Variants in CADM2 observed in about 807,000 individuals in gnomAD.
CADM2 encodes immunoglobulin superfamily member 4D.
Under a neutral mutation model 49.8 loss-of-function variants are expected in CADM2, and 12 were observed. The ratio of observed to expected loss-of-function variants is 0.24; its 90% CI spans 0.15 to 0.39. The LOEUF is 0.39. Among genes scored for constraint, CADM2 ranks in the 10% least tolerant of loss-of-function variants. The pLI is 1.00. For synonymous variants in CADM2, 214 were observed against 175.4 expected, an observed-to-expected ratio of 1.22 and a Z score of -1.74; for missense variants, 378 against 492.3, an observed-to-expected ratio of 0.77 and a Z score of 2.20.
chr3:85,546,426 AC>A (rs1237629102), intron 1 of CADM2, among the ~76,000 whole-genome samples: 11 of 152,186 alleles, frequency 7.2e-5, no homozygotes, highest in African/African-American at 2.7e-4. Flanking sequence ...GCTGAAAGAC[AC>A]AGGAGGCTTT....
intron 1 of CADM2, among the ~76,000 whole-genome samples, chr3:85,604,859 A>C (rs1325415770): frequency 1.3e-5 from 2 of 151,990 alleles, no homozygotes; most frequent in African/African-American, 2.4e-5. Flanking sequence ...GCTGTGATAC[A>C]TGCCACTTTA....
intron 8 of CADM2, among the ~76,000 whole-genome samples, chr3:85,970,234 T>C (rs1386453797): frequency 1.3e-5 from 2 of 151,500 alleles, no homozygotes; most frequent in Admixed American, 6.6e-5. Flanking sequence ...TAAAGAGTTA[T>C]GCAATTGATT....
At chr3:85,703,465 C>A (rs1392927315) in intron 1 of CADM2, among the ~76,000 whole-genome samples, 1 of 152,096 alleles carries the variant, frequency 6.6e-6, no homozygotes, top group Non-Finnish European at 1.5e-5. Context: ...ATTAGCTCAT[C>A]CTCACAAGGG....
At chr3:85,508,490 A>G (rs1382319910) in intron 1 of CADM2, among the ~76,000 whole-genome samples, 3 of 152,200 alleles carry the variant, frequency 2.0e-5, no homozygotes, top group Non-Finnish European at 2.9e-5. Context: ...ACTTCCAGCT[A>G]CTTGGATGTT....
chr3:86,014,403 G>A, intron 8 of CADM2: 1 of 1,474,894 alleles, frequency 6.8e-7, no homozygotes, highest in Non-Finnish European at 9.1e-7. Context: ...TTTACTCAAC[G>A]AAGTGATGGA....
chr3:85,347,400 T>G (rs2107220967), intron 1 of CADM2, among the ~76,000 whole-genome samples: 1 of 147,968 alleles, frequency 6.8e-6, no homozygotes, highest in African/African-American at 2.4e-5. Context: ...ATTGTACTTT[T>G]TAATATCTAC....
At chr3:85,057,295 C>G (rs1210692497) in intron 1 of CADM2, among the ~76,000 whole-genome samples, 1 of 147,112 alleles carries the variant, frequency 6.8e-6, no homozygotes, top group Non-Finnish European at 1.5e-5. Flanking sequence ...TTGAAACTTA[C>G]CATTTTCAGA....
chr3:85,258,764 A>G (rs2042946661), intron 1 of CADM2, among the ~76,000 whole-genome samples: 1 of 152,120 alleles, frequency 6.6e-6, no homozygotes, highest in African/African-American at 2.4e-5. Context: ...CTTTGTTTTA[A>G]ATGATTATGT....
intron 1 of CADM2, among the ~76,000 whole-genome samples, chr3:85,367,846 T>A (rs1306295387): frequency 7.3e-5 from 11 of 151,582 alleles, no homozygotes; most frequent in African/African-American, 2.7e-4. Flanking sequence ...TGTGTGTGTG[T>A]GTGTGTGTGT....
chr3:85,231,456 G>A (rs1490431986), intron 1 of CADM2, among the ~76,000 whole-genome samples: 1 of 151,648 alleles, frequency 6.6e-6, no homozygotes, highest in African/African-American at 2.4e-5. Context: ...AGAAGAGGAT[G>A]GATATAAGAG....
chr3:85,700,588 T>C (rs780004860), intron 1 of CADM2, among the ~76,000 whole-genome samples: 1 of 152,208 alleles, frequency 6.6e-6, no homozygotes, highest in Non-Finnish European at 1.5e-5. Context: ...AAAGCTTTGC[T>C]GTTTAAAAAT....
chr3:85,504,715 G>T (rs1281994259), intron 1 of CADM2, among the ~76,000 whole-genome samples: 1 of 152,214 alleles, frequency 6.6e-6, no homozygotes, highest in East Asian at 1.9e-4. Context: ...ACTGGGCTCC[G>T]TGGAGCAGGG....
chr3:85,530,867 T>TACACACACACACACACAC (rs71617940), intron 1 of CADM2, among the ~76,000 whole-genome samples: 1 of 136,840 alleles, frequency 7.3e-6, no homozygotes, highest in Admixed American at 7.4e-5. Context: ...TATGTAAAAA[T>TACACACACACACACACAC]ACACACACAC....
chr3:85,071,063 A>C (rs893488242), intron 1 of CADM2, among the ~76,000 whole-genome samples: 1 of 151,756 alleles, frequency 6.6e-6, no homozygotes, highest in African/African-American at 2.4e-5. Flanking sequence ...TGTCTTGTAT[A>C]GTGACTAACA....
intron 1 of CADM2, among the ~76,000 whole-genome samples, chr3:85,360,021 A>G (rs1295533114): frequency 2.0e-5 from 3 of 151,884 alleles, no homozygotes; most frequent in Admixed American, 6.6e-5. Context: ...ATAATGATAC[A>G]ATATATAAAA....
At chr3:85,120,083 A>T (rs2107588662) in intron 1 of CADM2, among the ~76,000 whole-genome samples, 1 of 152,342 alleles carries the variant, frequency 6.6e-6, no homozygotes, top group Non-Finnish European at 1.5e-5. Flanking sequence ...AACAAATAAA[A>T]AATGCTCATT....
intron 3 of CADM2, among the ~76,000 whole-genome samples, chr3:85,844,201 C>T (rs2074772160): frequency 6.6e-6 from 1 of 151,902 alleles, no homozygotes; most frequent in Non-Finnish European, 1.5e-5. Flanking sequence ...AACCTTTTTT[C>T]AATATTATAG....
At chr3:85,761,083 T>A (rs2069348584) in intron 2 of CADM2, among the ~76,000 whole-genome samples, 1 of 152,108 alleles carries the variant, frequency 6.6e-6, no homozygotes, top group African/African-American at 2.4e-5. Flanking sequence ...CTATCAGGAT[T>A]ACCTGCAGGA....
At chr3:85,328,423 A>G (rs1018179725) in intron 1 of CADM2, among the ~76,000 whole-genome samples, 1 of 152,204 alleles carries the variant, frequency 6.6e-6, no homozygotes, top group Non-Finnish European at 1.5e-5. Context: ...TTCCAATTTC[A>G]TCTGCCAACA....
Sources: gnomAD v4.1 joint callset for allele counts (sites outside exome capture counted in the v4.1 genomes callset) on GRCh38, gnomAD v4.1.1 for gene constraint, MANE v1.5 for transcripts, NCBI Gene and HGNC (gene_info 2026-07-23, HGNC 2026-07-21) for gene names.